The following RYR2 variants were observed in gnomAD, a reference collection of about 807,000 sequenced individuals.
RYR2 encodes ryanodine receptor 2.
Under a neutral mutation model 601.1 loss-of-function variants are expected in RYR2, and 227 were observed. The ratio of observed to expected loss-of-function variants is 0.38; its 90% confidence interval spans 0.34 to 0.42. The LOEUF is 0.42. Among genes scored for constraint, RYR2 ranks in the 10% least tolerant of loss-of-function variants. RYR2 has a pLI of 1.00. For synonymous variants in RYR2, 2,223 were observed against 2,175.1 expected (o/e 1.02, Z -0.61); for missense variants, 4,646 against 6,156.5 (o/e 0.75, Z 8.21).
intron 1 of RYR2, among the ~76,000 whole-genome samples, chr1:237,267,228 C>T (rs1180675486): frequency 6.6e-6 from 1 of 152,160 alleles, no homozygotes; most frequent in Non-Finnish European, 1.5e-5. Context: ...CAAAAAGATA[C>T]TCATATCTGG....
At chr1:237,188,833 C>T (rs562789621) in intron 1 of RYR2, among the ~76,000 whole-genome samples, 199 of 152,226 alleles carry the variant, frequency 1.3e-3, no homozygotes, top group African/African-American at 4.6e-3. Context: ...AGACTCGATG[C>T]GGACTGCCTT....
chr1:237,598,816 G>C (rs147998026), intron 34 of RYR2, among the ~76,000 whole-genome samples: 2 of 152,042 alleles, frequency 1.3e-5, no homozygotes, highest in Non-Finnish European at 2.9e-5. Context: ...GAACAATAAC[G>C]AAACAGAGAC....
At position 237,326,317 on chromosome 1, in the gene RYR2, G is replaced by C. The variant is rs1027050777; in HGVS notation, c.169-4561G>C. On this transcript the variant is annotated intron_variant, in intron 2 of 104. Transcript: ENST00000366574. ...GAAAAGGCACACAGCCATGCTGCTG[G>C]CTTAAAGTCTGTTACCTTTCCCAAA... Among the ~76,000 whole-genome samples the C allele has an allele frequency of 5.3e-5, 8 of 151,878 alleles. 1 individual carries two copies. The highest frequency in any genetic ancestry group is 2.0e-4 in the Admixed American group (3 of 15,242).
At chr1:237,305,508 T>C (rs1693780295) in intron 2 of RYR2, among the ~76,000 whole-genome samples, 1 of 152,226 alleles carries the variant, frequency 6.6e-6, no homozygotes, top group Non-Finnish European at 1.5e-5. Context: ...CACTGCTTAC[T>C]GCAGCCTGGA....
At chr1:237,403,195 C>T (rs1703545014) in intron 10 of RYR2, among the ~76,000 whole-genome samples, 1 of 152,046 alleles carries the variant, frequency 6.6e-6, no homozygotes, top group Admixed American at 6.5e-5. Context: ...AAACTATGAC[C>T]CCTAAATAAG....
intron 16 of RYR2, among the ~76,000 whole-genome samples, chr1:237,462,033 T>C (rs1473599059): frequency 1.3e-5 from 2 of 152,194 alleles, no homozygotes; most frequent in Non-Finnish European, 2.9e-5. Context: ...TACCTAAATA[T>C]ATACTTCAGT....
At chr1:237,540,715 TAAA>T (rs61711260) in intron 25 of RYR2, among the ~76,000 whole-genome samples, 6 of 130,384 alleles carry the variant, frequency 4.6e-5, no homozygotes, top group African/African-American at 1.1e-4. Flanking sequence ...TTCAAAATAT[TAAA>T]AAAAAAAAAA....
chr1:237,075,469 G>T (rs1326765878), intron 1 of RYR2, among the ~76,000 whole-genome samples: 1 of 130,502 alleles, frequency 7.7e-6, no homozygotes, highest in Non-Finnish European at 1.6e-5. Context: ...CCTGGGAAGT[G>T]CAAGGGGTCA....
chr1:237,667,744 G>A, intron 57 of RYR2, 139 bp from the exon 58 acceptor site: 1 of 581,088 alleles, frequency 1.7e-6, no homozygotes, highest in Non-Finnish European at 3.0e-6. Context: ...TTCTAAAGAA[G>A]AGTGTTTGAT....
intron 1 of RYR2, among the ~76,000 whole-genome samples, chr1:237,065,560 C>T (rs1466076220): frequency 1.3e-5 from 2 of 152,090 alleles, no homozygotes; most frequent in African/African-American, 2.4e-5. Flanking sequence ...GCTGGGATTA[C>T]AGGCGTGAGC....
chr1:237,407,908 G>A (rs374772703), intron 10 of RYR2, among the ~76,000 whole-genome samples: 145 of 152,164 alleles, frequency 9.5e-4, no homozygotes, highest in African/African-American at 3.2e-3. Flanking sequence ...GAGCCACTGC[G>A]CCTGGCCAAA....
intron 17 of RYR2, among the ~76,000 whole-genome samples, chr1:237,482,812 C>T (rs1316752509): frequency 1.3e-5 from 2 of 152,144 alleles, no homozygotes; most frequent in African/African-American, 2.4e-5. Context: ...ATTTACATTC[C>T]TACCAACAGT....
chr1:237,122,493 C>T (rs1670903848), intron 1 of RYR2, among the ~76,000 whole-genome samples: 1 of 152,064 alleles, frequency 6.6e-6, no homozygotes, highest in South Asian at 2.1e-4. Flanking sequence ...ACCAGCCTGG[C>T]CAACATGGTG....
intron 1 of RYR2, among the ~76,000 whole-genome samples, chr1:237,071,857 C>T (rs1664378962): frequency 6.6e-6 from 1 of 152,240 alleles, no homozygotes; most frequent in African/African-American, 2.4e-5. Context: ...TTGAAACTCC[C>T]CCAGAGTTTC....
chr1:237,107,047 T>C (rs1223745107), intron 1 of RYR2, among the ~76,000 whole-genome samples: 2 of 151,854 alleles, frequency 1.3e-5, no homozygotes, highest in East Asian at 3.9e-4. Context: ...GATTAAGAAA[T>C]CTAAGGCCAT....
intron 77 of RYR2, 127 bp from the exon 78 acceptor site, chr1:237,731,919 C>CACACACACA (rs34340306): frequency 1.3e-5 from 8 of 609,298 alleles, no homozygotes; most frequent in South Asian, 3.9e-5. Context: ...CACACACACA[C>CACACACACA]CCCACAACAG....
chr1:237,690,057 G>A (rs752459694), intron 63 of RYR2, among the ~76,000 whole-genome samples: 13 of 152,052 alleles, frequency 8.5e-5, no homozygotes, highest in East Asian at 1.9e-4. Context: ...GGCTGGTCTC[G>A]AACTCCTGAC....
At chr1:237,286,623 C>G (rs1047775975) in intron 2 of RYR2, among the ~76,000 whole-genome samples, 1 of 78,004 alleles carries the variant, frequency 1.3e-5, no homozygotes, top group African/African-American at 4.6e-5. Flanking sequence ...AGAATAGCTA[C>G]CCGTACTTGT....
At chr1:237,578,561 C>T (rs1673524838) in intron 29 of RYR2, among the ~76,000 whole-genome samples, 1 of 152,230 alleles carries the variant, frequency 6.6e-6, no homozygotes, top group African/African-American at 2.4e-5. Context: ...TAAGCCTACA[C>T]AAGAGAATTT....
Sources: gnomAD v4.1 joint callset for allele counts (sites outside exome capture counted in the v4.1 genomes callset) on GRCh38, gnomAD v4.1.1 for gene constraint, MANE v1.5 for transcripts, NCBI Gene and HGNC (gene_info 2026-07-23, HGNC 2026-07-21) for gene names.